THSD4: variants seen among roughly 807,000 people sequenced by gnomAD.
THSD4 encodes thrombospondin type-1 domain-containing protein 4.
THSD4 carries 69 observed loss-of-function variants against 119.0 expected under a neutral mutation model. The ratio of observed to expected loss-of-function variants is 0.58; its 90% CI spans 0.48 to 0.71. The LOEUF is 0.71. Among genes scored for constraint, THSD4 ranks in the 30% least tolerant of loss-of-function variants. THSD4 has a pLI of 0.00. For missense variants in THSD4, 1,393 were observed against 1,391.1 expected (o/e 1.00, Z -0.02); for synonymous variants, 524 against 540.4 (o/e 0.97, Z 0.42).
chr15:71,198,283 T>G (rs1183062399), intron 3 of THSD4, among the ~76,000 whole-genome samples: 1 of 151,758 alleles, frequency 6.6e-6, no homozygotes, highest in East Asian at 1.9e-4. Context: ...AAAAAAGGGC[T>G]GGAGAATGCG....
At chr15:71,767,226 G>A (rs781455213) in intron 16 of THSD4, 4 of 152,158 alleles carry the variant, frequency 2.6e-5, no homozygotes, top group Non-Finnish European at 4.4e-5. Flanking sequence ...TTACAAATTT[G>A]AGTTTGGAAC....
chr15:71,330,271 T>G (rs758704162), intron 6 of THSD4, among the ~76,000 whole-genome samples: 2 of 152,120 alleles, frequency 1.3e-5, no homozygotes, highest in Non-Finnish European at 2.9e-5. Context: ...AGGACCTTTG[T>G]TAAATTCATC....
At chr15:71,386,048 A>G (rs1194933191) in intron 6 of THSD4, among the ~76,000 whole-genome samples, 1 of 152,202 alleles carries the variant, frequency 6.6e-6, no homozygotes, top group African/African-American at 2.4e-5. Flanking sequence ...AAGAAATCAT[A>G]TTCTCTGTCT....
chr15:71,467,845 G>GTTT (rs34603517), intron 7 of THSD4, among the ~76,000 whole-genome samples: 1,857 of 143,408 alleles, frequency 0.013, 33 homozygotes, highest in East Asian at 0.039. Context: ...AGATATGATG[G>GTTT]TTTTTTTTTT....
At chr15:71,578,075 T>A (rs997343718) in intron 7 of THSD4, among the ~76,000 whole-genome samples, 16 of 151,858 alleles carry the variant, frequency 1.1e-4, no homozygotes, top group African/African-American at 3.9e-4. Flanking sequence ...GTGTGAGCCC[T>A]TCTCACTGGA....
At chr15:71,451,231 G>A (rs1328194064) in intron 7 of THSD4, among the ~76,000 whole-genome samples, 1 of 152,184 alleles carries the variant, frequency 6.6e-6, no homozygotes, top group African/African-American at 2.4e-5. Flanking sequence ...TTATGGGAGG[G>A]TGAGTCAGGG....
intron 14 of THSD4, among the ~76,000 whole-genome samples, chr15:71,749,136 G>C (rs1271907004): frequency 6.6e-6 from 1 of 152,216 alleles, no homozygotes; most frequent in African/African-American, 2.4e-5. Context: ...TATGAAAAGG[G>C]GTTTCTGCAG....
intron 6 of THSD4, among the ~76,000 whole-genome samples, chr15:71,384,849 A>C (rs772461344): frequency 3.3e-5 from 5 of 152,220 alleles, no homozygotes; most frequent in Non-Finnish European, 4.4e-5. Flanking sequence ...AAAGTGGAGT[A>C]CTCAATTCTT....
intron 7 of THSD4, among the ~76,000 whole-genome samples, chr15:71,530,912 G>T (rs910591760): frequency 2.7e-5 from 4 of 147,404 alleles, no homozygotes; most frequent in Admixed American, 2.1e-4. Flanking sequence ...AGAAAGTGAA[G>T]TACAGGGGCT....
intron 8 of THSD4, among the ~76,000 whole-genome samples, chr15:71,674,029 C>T (rs2051588686): frequency 6.6e-6 from 1 of 152,172 alleles, no homozygotes; most frequent in South Asian, 2.1e-4. Context: ...TGCCTCTTCC[C>T]AGAAGAACAA....
At chr15:71,379,938 A>G (rs971314970) in intron 6 of THSD4, among the ~76,000 whole-genome samples, 1 of 152,098 alleles carries the variant, frequency 6.6e-6, no homozygotes, top group Non-Finnish European at 1.5e-5. Context: ...ATGGCTGAAT[A>G]ATATTTATGG....
rs1354938236 is a variant in THSD4 at position 71,279,919 on chromosome 15, C to G, written c.1015+23204C>G. On this transcript the variant is annotated intron_variant, in intron 6 of 17. Coordinates refer to ENST00000261862, the MANE Select transcript of THSD4 (RefSeq NM_024817.3). The stretch of plus-strand genomic sequence containing the variant: ...AGGACACAACCTCAGTGCAAAAGCC[C>G]TAGCTCCCTTGGACCACAGTTGCAT... Among the ~76,000 whole-genome samples the G allele has an allele frequency of 5.9e-5, 9 of 152,302 alleles. No individual in the cohort carries two copies. In the East Asian group the frequency reaches 9.7e-4, roughly 16 times the overall value.
Position 71,477,336 on chromosome 15 carries a change from G to A in THSD4, c.1152+65513G>A, listed in dbSNP as rs115842287. ...TCCGAGCATATGTGTGCAAAACCGT[G>A]TTTAGAATGGTTCGAAGTTGCCCAG... On this transcript the variant is annotated intron_variant, in intron 7 of 17. Transcript: ENST00000261862. Among the ~76,000 whole-genome samples, 1,332 of 152,288 alleles carry A rather than the reference G, an allele frequency of 8.7e-3. 17 individuals are homozygous for A. The highest frequency in any genetic ancestry group is 0.031 in the African/African-American group (1,273 of 41,570).
intron 7 of THSD4, among the ~76,000 whole-genome samples, chr15:71,412,642 A>C (rs995857994): frequency 6.6e-6 from 1 of 152,162 alleles, no homozygotes; most frequent in Non-Finnish European, 1.5e-5. Flanking sequence ...CTCTTTGGCT[A>C]TGACACCTGG....
At chr15:71,344,112 C>T (rs185831014) in intron 6 of THSD4, among the ~76,000 whole-genome samples, 3,329 of 149,176 alleles carry the variant, frequency 0.022, 117 homozygotes, top group African/African-American at 0.079. Context: ...GATCTCTGCT[C>T]ACTGCAAGCT....
At chr15:71,477,341 G>A (rs1349881596) in intron 7 of THSD4, among the ~76,000 whole-genome samples, 2 of 152,198 alleles carry the variant, frequency 1.3e-5, no homozygotes, top group Non-Finnish European at 2.9e-5. Flanking sequence ...ACCGTGTTTA[G>A]AATGGTTCGA....
chr15:71,209,430 G>C (rs750127442), intron 3 of THSD4, among the ~76,000 whole-genome samples: 7 of 152,224 alleles, frequency 4.6e-5, no homozygotes, highest in Non-Finnish European at 8.8e-5. Context: ...CAGAGAGTTT[G>C]TGTTAAAGTA....
intron 7 of THSD4, 158 bp from the exon 8 acceptor site, chr15:71,660,372 C>T (rs1441955444): frequency 4.3e-5 from 33 of 765,836 alleles, no homozygotes; most frequent in Non-Finnish European, 6.4e-5. Flanking sequence ...GTTTTATTTA[C>T]TTGTCTGGTT....
At chr15:71,587,232 A>C (rs2049689176) in intron 7 of THSD4, among the ~76,000 whole-genome samples, 1 of 130,214 alleles carries the variant, frequency 7.7e-6, no homozygotes, top group African/African-American at 2.8e-5. Context: ...TCAGGGATCT[A>C]GAACTAGAAA....
Sources: gnomAD v4.1 joint callset for allele counts (sites outside exome capture counted in the v4.1 genomes callset) on GRCh38, gnomAD v4.1.1 for gene constraint, MANE v1.5 for transcripts, NCBI Gene and HGNC (gene_info 2026-07-23, HGNC 2026-07-21) for gene names.